The following ACSM6 variants were observed in gnomAD, a reference collection of about 807,000 sequenced individuals.
ACSM6 encodes the protein acyl-CoA synthetase medium chain family member 6.
A neutral mutation model predicts 51.1 loss-of-function variants in ACSM6; 35 were observed. The observed-to-expected ratio is 0.69, with a 90% CI of 0.52 to 0.91. The LOEUF (loss-of-function observed/expected upper bound fraction) is 0.91, where lower values mean the gene tolerates loss of function less well. Ranked by LOEUF, ACSM6 falls within the 40% of genes least tolerant of loss-of-function variation. The pLI is 0.00. For missense variants in ACSM6, 509 were observed against 584.1 expected (o/e 0.87, Z 1.32); for synonymous variants, 172 against 207.3 (o/e 0.83, Z 1.46).
intron 2 of ACSM6, chr10:95,201,329 C>T (rs1469791619): frequency 2.6e-6 from 1 of 384,662 alleles, no homozygotes. Context: ...CTCCAGCCTC[C>T]CCAATGTCTA....
At chr10:95,207,091 A>G in intron 3 of ACSM6, 117 bp from the exon 4 acceptor site, 1 of 917,880 alleles carries the variant, frequency 1.1e-6, no homozygotes, top group Non-Finnish European at 1.7e-6. Context: ...AATAGAGAAG[A>G]GAGACTCCTA....
rs1423348504 is a variant in ACSM6, at chr10:95,214,995, C to T, written c.1119+20C>T. ...GAAACTGTAGGTTGATGCTGACTCA[C>T]TATTTAGCCAGAAACCAAACTTGCC... is the stretch of plus-strand genomic sequence containing the variant. On this transcript the variant is annotated intron_variant, in intron 8 of 10. Coordinates refer to ENST00000341686, the Ensembl canonical transcript of ACSM6. 1 of 1,550,836 alleles carries T rather than the reference C, an allele frequency of 6.4e-7. No homozygotes were observed. The highest frequency in any genetic ancestry group is 8.7e-7 in the Non-Finnish European group (1 of 1,146,518).
intron 10 of ACSM6, among the ~76,000 whole-genome samples, chr10:95,227,161 A>C (rs969356635): frequency 6.6e-6 from 1 of 151,818 alleles, no homozygotes; most frequent in Admixed American, 6.6e-5. Flanking sequence ...TAATTTTTGT[A>C]TTTTTAGTAG....
At chr10:95,223,862 C>T (rs1293824459) in intron 9 of ACSM6, among the ~76,000 whole-genome samples, 4 of 152,076 alleles carry the variant, frequency 2.6e-5, no homozygotes, top group African/African-American at 9.7e-5. Context: ...ATAAAACTAT[C>T]TCTATTCAAC....
At chr10:95,205,120 G>A (rs650243) in intron 3 of ACSM6, among the ~76,000 whole-genome samples, 11,689 of 152,154 alleles carry the variant, frequency 0.077, 560 homozygotes, top group Middle Eastern at 0.24. Flanking sequence ...TTTAAACTAC[G>A]CTGACATTAT....
intron 2 of ACSM6, among the ~76,000 whole-genome samples, chr10:95,196,237 G>A (rs566347874): frequency 6.6e-5 from 10 of 152,196 alleles, no homozygotes; most frequent in Non-Finnish European, 1.5e-4. Context: ...GGCCCAGCTG[G>A]GCCCTACCCA....
At chr10:95,220,788 G>C (rs1380635596) in intron 9 of ACSM6, among the ~76,000 whole-genome samples, 3 of 152,062 alleles carry the variant, frequency 2.0e-5, no homozygotes, top group Non-Finnish European at 4.4e-5. Context: ...CTAATACATT[G>C]AGGTTTATAT....
At chr10:95,198,939 A>T (rs2034763188) in intron 2 of ACSM6, among the ~76,000 whole-genome samples, 1 of 152,220 alleles carries the variant, frequency 6.6e-6, no homozygotes, top group Admixed American at 6.5e-5. Context: ...AAGGTAATTT[A>T]TAGAATCAAT....
At chr10:95,209,764 T>C (rs986884856) in intron 4 of ACSM6, among the ~76,000 whole-genome samples, 2 of 152,026 alleles carry the variant, frequency 1.3e-5, no homozygotes, top group Non-Finnish European at 2.9e-5. Context: ...TTATGTAATG[T>C]TTTCATAATT....
intron 7 of ACSM6, among the ~76,000 whole-genome samples, chr10:95,214,428 T>G (rs955217726): frequency 5.3e-5 from 8 of 152,278 alleles, no homozygotes; most frequent in African/African-American, 1.9e-4. Flanking sequence ...CTAGAGATTT[T>G]GAGCCTAGTT....
rs138137252 is a variant in ACSM6 at position 95,202,498 on chromosome 10, G to A, written c.403+303G>A. On this transcript the variant is annotated intron_variant, in intron 3 of 10. Coordinates refer to ENST00000341686, the Ensembl canonical transcript of ACSM6. ...GTGAAGAGTAAATAATCCACAGAGCGCTTAGCTCATAGGCTGTTTATCACC... is the reference window on the plus strand; with the variant it reads ...GTGAAGAGTAAATAATCCACAGAGCACTTAGCTCATAGGCTGTTTATCACC... Among the ~76,000 whole-genome samples, 37 of 152,264 alleles carry A rather than the reference G, an allele frequency of 2.4e-4. No individual in the cohort carries two copies. In the East Asian group the frequency reaches 3.7e-3, roughly 15 times the overall value.
In ACSM6 at chr10:95,194,445, C is replaced by G; in HGVS notation, c.-21-20C>G. The G allele has an allele frequency of 6.5e-7, 1 of 1,529,002 alleles. No homozygotes were observed. The allele number at this position is 1,529,002 out of a possible 1,614,324, so 94.7% of individuals were successfully genotyped here. ...TCTGAGCTGCTCAATTACTCCCTGT[C>G]TTTTCCTCAATTTACCTAGGTGGTT... On this transcript the variant is annotated intron_variant, in intron 1 of 10. Transcript: ENST00000341686.
exon 2 of ACSM6, chr10:95,194,484 A>G: frequency 6.4e-7 from 1 of 1,551,476 alleles, no homozygotes; most frequent in African/African-American, 1.4e-5. Flanking sequence ...TGTCTGACCC[A>G]AATGCTAGGC....
chr10:95,210,406 G>C (rs1172886871), intron 4 of ACSM6, among the ~76,000 whole-genome samples: 1 of 152,096 alleles, frequency 6.6e-6, no homozygotes, highest in Non-Finnish European at 1.5e-5. Flanking sequence ...TGAATAAAGA[G>C]GGTCTTTTAC....
rs912636856 is a variant in ACSM6, at chr10:95,204,837, T to C, written c.404-2371T>C. ...CAAACAAAAAAGGAAAAAAAAGATG[T>C]ACTACACTTAATGAAATTTTTAAAA... On this transcript the variant is annotated intron_variant, in intron 3 of 10. Transcript: ENST00000341686. Among the ~76,000 whole-genome samples, 8 of 152,160 alleles carry C rather than the reference T, an allele frequency of 5.3e-5. No homozygotes were observed. In the South Asian group the frequency reaches 1.7e-3, roughly 32 times the overall value.
At chr10:95,222,140 GT>G (rs1382900002) in intron 9 of ACSM6, among the ~76,000 whole-genome samples, 6 of 152,198 alleles carry the variant, frequency 3.9e-5, no homozygotes, top group Non-Finnish European at 8.8e-5. Context: ...GATTATCTCT[GT>G]TTGCAGATTA....
chr10:95,208,290 A>G (rs1486341586), intron 4 of ACSM6, among the ~76,000 whole-genome samples: 1 of 152,218 alleles, frequency 6.6e-6, no homozygotes, highest in Non-Finnish European at 1.5e-5. Flanking sequence ...ATGGACACAG[A>G]GTGTGGAATA....
At chr10:95,210,981 G>A (rs981747001) in intron 5 of ACSM6, among the ~76,000 whole-genome samples, 188 bp downstream of exon 5, 5 of 152,190 alleles carry the variant, frequency 3.3e-5, no homozygotes, top group Admixed American at 2.6e-4. Flanking sequence ...AAAATTCTAA[G>A]AGTAAGCAGG....
chr10:95,202,665 T>G (rs939991785), intron 3 of ACSM6, among the ~76,000 whole-genome samples: 1 of 152,010 alleles, frequency 6.6e-6, no homozygotes, highest in Admixed American at 6.6e-5. Flanking sequence ...GGCTCACACC[T>G]GTAATTCCAA....
Sources: allele counts gnomAD v4.1 joint callset (sites outside exome capture counted in the v4.1 genomes callset), GRCh38; gene constraint gnomAD v4.1.1; transcripts MANE v1.5; gene names NCBI Gene and HGNC (gene_info 2026-07-23, HGNC 2026-07-21).